The following RUFY1 variants were observed in gnomAD, a reference collection of about 807,000 sequenced individuals.
The protein encoded by RUFY1 is RUN and FYVE domain containing 1, also known as RUN and FYVE domain-containing protein 1.
In RUFY1, 54 loss-of-function variants were observed where a neutral mutation model predicts 94.6. That is an observed-to-expected ratio of 0.57 (90% CI 0.46 to 0.72). The LOEUF (loss-of-function observed/expected upper bound fraction) is 0.72, where lower values mean the gene tolerates loss of function less well. Among genes scored for constraint, RUFY1 ranks in the 30% least tolerant of loss-of-function variants. The probability of loss-of-function intolerance (pLI) is 0.00; values close to 1 mark genes in which losing one functional copy is unlikely to be tolerated. For synonymous variants in RUFY1, 396 were observed against 347.3 expected, an observed-to-expected ratio of 1.14 and a Z score of -1.56; for missense variants, 883 against 883.9, an observed-to-expected ratio of 1.00 and a Z score of 0.01.
At chr5:179,588,129 C>T (rs1040611045) in intron 8 of RUFY1, among the ~76,000 whole-genome samples, 4 of 152,164 alleles carry the variant, frequency 2.6e-5, no homozygotes, top group Non-Finnish European at 4.4e-5. Flanking sequence ...AAGTAACACG[C>T]CCTTTCAAGC....
intron 8 of RUFY1, among the ~76,000 whole-genome samples, chr5:179,587,086 C>T (rs544821779): frequency 2.1e-4 from 32 of 152,282 alleles, no homozygotes; most frequent in African/African-American, 7.5e-4. Context: ...CAGGGTCTCA[C>T]TCTGTCACCC....
At chr5:179,586,102 G>A (rs1185826019) in intron 8 of RUFY1, among the ~76,000 whole-genome samples, 3 of 152,134 alleles carry the variant, frequency 2.0e-5, no homozygotes, top group Non-Finnish European at 2.9e-5. Context: ...TCACCTCAAA[G>A]TCATCCCATA....
Position 179,580,986 on chromosome 5 carries a change from T to C in RUFY1, c.930T>C (p.Tyr310=), listed in dbSNP as rs1409796824. 1.2e-6 allele frequency: 2 copies of C among 1,609,420 alleles called. No individual in the cohort carries two copies. Among genetic ancestry groups the C allele is most frequent in the Admixed American group, 1.7e-5 (1 of 59,418 alleles). ...RITDVLDQKN[Y]VEELNRHLSC... ...CTGATGTCCTTGATCAAAAAAATTATGTGGAAGAACTTAACCGGCACTTGA... is the reference window on the plus strand; with the variant it reads ...CTGATGTCCTTGATCAAAAAAATTACGTGGAAGAACTTAACCGGCACTTGA... Residue 310 remains tyrosine, a synonymous_variant, in exon 7 of 18, where the codon TAT becomes TAC. Transcript: ENST00000319449.
intron 16 of RUFY1, chr5:179,606,670 A>G (rs1320860754): frequency 6.6e-6 from 1 of 152,588 alleles, no homozygotes; most frequent in African/African-American, 2.4e-5. Flanking sequence ...GGCAGCAACT[A>G]ACAGCAGCCG....
chr5:179,570,461 G>A (rs1470321501), intron 5 of RUFY1, among the ~76,000 whole-genome samples: 3 of 152,196 alleles, frequency 2.0e-5, no homozygotes, highest in Non-Finnish European at 2.9e-5. Context: ...GTAAGGTGTA[G>A]AGTGCTCTGT....
At chr5:179,604,456 T>C (rs1190200840) in intron 15 of RUFY1, among the ~76,000 whole-genome samples, 2 of 152,208 alleles carry the variant, frequency 1.3e-5, no homozygotes, top group Non-Finnish European at 2.9e-5. Context: ...GCGCAGCCTC[T>C]TCTCATCCTG....
chr5:179,601,864 C>T, intron 14 of RUFY1, 28 bp from the exon 15 acceptor site: 1 of 1,405,642 alleles, frequency 7.1e-7, no homozygotes, highest in Non-Finnish European at 1.0e-6. Flanking sequence ...ATCCTCTGTC[C>T]AGCATCTGGT....
At chr5:179,551,521 T>G (rs1761850882) in intron 1 of RUFY1, among the ~76,000 whole-genome samples, 6 of 152,102 alleles carry the variant, frequency 3.9e-5, no homozygotes, top group Admixed American at 3.9e-4. Flanking sequence ...AGACCGGGTC[T>G]TGCTCTGTCG....
chr5:179,607,669 G>A lies in RUFY1; in HGVS notation c.1983+10G>A. 1.2e-6 allele frequency: 2 copies of A among 1,607,880 alleles called. No individual in the cohort carries two copies. The highest frequency in any genetic ancestry group is 1.7e-6 in the Non-Finnish European group (2 of 1,174,562). On this transcript the variant is annotated intron_variant, in intron 17 of 17. Coordinates refer to ENST00000319449, the MANE Select transcript of RUFY1 (RefSeq NM_025158.5). ...CATTTCCCGGAGAAAGGTACGTGGG[G>A]GCTCCACCCACCCTCCCAGTGCCCT...
chr5:179,586,554 C>T lies in RUFY1; in HGVS notation c.1026+689C>T, dbSNP rs573156139. 2.2e-4 allele frequency: 91 copies of T among 419,238 alleles called. No homozygotes were observed. The Middle Eastern group carries it at 4.0e-3, about 19-fold the overall frequency. The allele number at this position is 419,238 out of a possible 1,614,324, so 26.0% of individuals were successfully genotyped here. On this transcript the variant is annotated intron_variant, in intron 8 of 17. Coordinates refer to ENST00000319449, the MANE Select transcript of RUFY1 (RefSeq NM_025158.5). ...AGGGGCTTGAGAAGGAACACCTCCA[C>T]GGCATGGAGGTGGGTTACAGCAGAG...
At chr5:179,582,662 G>A (rs1370406181) in intron 7 of RUFY1, among the ~76,000 whole-genome samples, 1 of 151,972 alleles carries the variant, frequency 6.6e-6, no homozygotes, top group Admixed American at 6.6e-5. Context: ...AGACCAACAT[G>A]GGGAAACCCC....
chr5:179,583,403 C>T (rs1382516745), intron 7 of RUFY1, among the ~76,000 whole-genome samples: 2 of 74,246 alleles, frequency 2.7e-5, no homozygotes, highest in African/African-American at 1.1e-4. Flanking sequence ...TATATCTTTT[C>T]TCATATAAAT....
chr5:179,604,108 C>T (rs1041284948), intron 15 of RUFY1, among the ~76,000 whole-genome samples: 1 of 152,176 alleles, frequency 6.6e-6, no homozygotes, highest in Non-Finnish European at 1.5e-5. Flanking sequence ...CCTGGCACTA[C>T]CGGCTAACCT....
chr5:179,581,734 G>A (rs1469249750), intron 7 of RUFY1, among the ~76,000 whole-genome samples: 1 of 150,322 alleles, frequency 6.7e-6, no homozygotes, highest in Non-Finnish European at 1.5e-5. Context: ...AGGCTGAAGT[G>A]TAGTGGCGTG....
chr5:179,596,263 A>G, intron 12 of RUFY1: 1 of 434,494 alleles, frequency 2.3e-6, no homozygotes, highest in Non-Finnish European at 4.2e-6. Flanking sequence ...CATTATTCTG[A>G]GAAAAAGTCA....
chr5:179,581,287 A>G (rs944369592), intron 7 of RUFY1, among the ~76,000 whole-genome samples: 1 of 152,220 alleles, frequency 6.6e-6, no homozygotes, highest in African/African-American at 2.4e-5. Context: ...CCCCACAGCC[A>G]CGTGGCTGGA....
chr5:179,608,698 T>C (rs13189491), intron 17 of RUFY1: 78,209 of 901,140 alleles, frequency 0.087, 3,560 homozygotes, highest in South Asian at 0.12. Context: ...GAGGCTGAGG[T>C]GGGTGGATCA....
At chr5:179,564,430 T>G (rs1360719146) in intron 3 of RUFY1, among the ~76,000 whole-genome samples, 4 of 151,010 alleles carry the variant, frequency 2.6e-5, no homozygotes, top group Non-Finnish European at 4.4e-5. Flanking sequence ...GTTTTTTTTT[T>G]TTTTTTTTTT....
At chr5:179,560,528 G>A (rs10479543) in intron 2 of RUFY1, among the ~76,000 whole-genome samples, 34,036 of 150,970 alleles carry the variant, frequency 0.23, 4,740 homozygotes, top group East Asian at 0.63. Context: ...GACCATCCTG[G>A]CTAACACGGT....
Sources: gnomAD v4.1 joint callset for allele counts (sites outside exome capture counted in the v4.1 genomes callset) on GRCh38, gnomAD v4.1.1 for gene constraint, MANE v1.5 for transcripts, NCBI Gene and HGNC (gene_info 2026-07-23, HGNC 2026-07-21) for gene names.